Variants in TBC1D22B observed in about 807,000 individuals in gnomAD.
TBC1D22B encodes TBC1 domain family member 22B, also known as chromosome 6 open reading frame 197.
Under a neutral mutation model 69.1 loss-of-function variants are expected in TBC1D22B, and 32 were observed. The observed-to-expected ratio is 0.46, with a 90% CI of 0.35 to 0.62. The LOEUF is 0.62. TBC1D22B is among the 20% of genes least tolerant of loss of function. TBC1D22B has a pLI of 0.00. For missense variants in TBC1D22B, 462 were observed against 630.9 expected (o/e 0.73, Z 2.87); for synonymous variants, 206 against 229.8 (o/e 0.90, Z 0.94).
intron 3 of TBC1D22B, among the ~76,000 whole-genome samples, chr6:37,280,465 A>G (rs1766789614): frequency 6.6e-6 from 1 of 152,200 alleles, no homozygotes; most frequent in Non-Finnish European, 1.5e-5. Flanking sequence ...CAATCATTGC[A>G]CAGTTATTTT....
chr6:37,312,147 A>T (rs1302638635), intron 8 of TBC1D22B, among the ~76,000 whole-genome samples: 1 of 152,250 alleles, frequency 6.6e-6, no homozygotes, highest in Non-Finnish European at 1.5e-5. Flanking sequence ...GGATAAACAA[A>T]GTTAAGCAGA....
chr6:37,329,746 C>T (rs562850550), intron 12 of TBC1D22B, among the ~76,000 whole-genome samples: 1 of 152,346 alleles, frequency 6.6e-6, no homozygotes, highest in South Asian at 2.1e-4. Context: ...ATCTTCAACA[C>T]ATGCTTTAAC....
intron 12 of TBC1D22B, among the ~76,000 whole-genome samples, chr6:37,327,494 A>AT (rs1399001586): frequency 6.7e-6 from 1 of 150,210 alleles, no homozygotes; most frequent in African/African-American, 2.5e-5. Context: ...AAAAAAAAAA[A>AT]AAAAAAAAAA....
At chr6:37,286,961 A>G in intron 6 of TBC1D22B, 46 bp from the exon 7 acceptor site, 1 of 1,571,806 alleles carries the variant, frequency 6.4e-7, no homozygotes, top group Non-Finnish European at 8.6e-7. Context: ...ACAAAAACAA[A>G]AAAAAACTGG....
At chr6:37,299,094 T>C (rs936200848) in intron 8 of TBC1D22B, among the ~76,000 whole-genome samples, 11 of 152,230 alleles carry the variant, frequency 7.2e-5, no homozygotes, top group Non-Finnish European at 1.6e-4. Context: ...TGTGTATGGA[T>C]GAAGTCTAGT....
intron 1 of TBC1D22B, among the ~76,000 whole-genome samples, chr6:37,268,479 G>A (rs754642252): frequency 5.9e-5 from 9 of 152,082 alleles, no homozygotes; most frequent in Non-Finnish European, 1.3e-4. Context: ...TCATTTTGCC[G>A]TGGCCTCCCA....
rs564204377 is a variant in TBC1D22B, at chr6:37,321,485, T to C, written c.1389+4279T>C. Reference sequence around the variant, plus strand: ...ATTTAGCAACAACAACAAAAACTTGTTGTTTTAAAACTGAAAAAGAATTCC... The same window carrying C: ...ATTTAGCAACAACAACAAAAACTTGCTGTTTTAAAACTGAAAAAGAATTCC... On this transcript the variant is annotated intron_variant, in intron 12 of 12. Coordinates refer to ENST00000373491, the MANE Select transcript of TBC1D22B (RefSeq NM_017772.4). Among the ~76,000 whole-genome samples the C allele has an allele frequency of 5.5e-4, 83 of 152,186 alleles. 2 individuals are homozygous for C. Among genetic ancestry groups the C allele is most frequent in the Admixed American group, 3.9e-4 (6 of 15,278 alleles).
At position 37,279,380 on chromosome 6, in the gene TBC1D22B, C is replaced by A; in HGVS notation, c.190C>A (p.Arg64=). ...GGCCTCCAGTTTTCATGAGTTTGCA[C>A]GGAATACCAGTGATGCTTGGGACAT... ...KKASSFHEFA[R]NTSDAWDIGD... is the part of the protein sequence containing the mutation. Residue 64 remains arginine, a synonymous_variant, in exon 3 of 13, where the codon CGG becomes AGG. Transcript: ENST00000373491. 1 of 1,614,150 alleles carries A rather than the reference C, an allele frequency of 6.2e-7. No individual in the cohort carries two copies. Among genetic ancestry groups the A allele is most frequent in the Non-Finnish European group, 8.5e-7 (1 of 1,180,002 alleles).
At chr6:37,326,582 A>C (rs1272824871) in intron 12 of TBC1D22B, among the ~76,000 whole-genome samples, 4 of 152,062 alleles carry the variant, frequency 2.6e-5, no homozygotes, top group Non-Finnish European at 5.9e-5. Context: ...AGGTCAGGAG[A>C]TTGAGATCAT....
intron 12 of TBC1D22B, among the ~76,000 whole-genome samples, chr6:37,328,295 ACT>A (rs1768490252): frequency 6.6e-6 from 1 of 152,102 alleles, no homozygotes; most frequent in Non-Finnish European, 1.5e-5. Context: ...ATAGAGCAAG[ACT>A]CTGTCTCTAA....
At chr6:37,275,953 CTTTTCTTT>C (rs1015125782) in intron 2 of TBC1D22B, among the ~76,000 whole-genome samples, 1 of 145,410 alleles carries the variant, frequency 6.9e-6, no homozygotes, top group African/African-American at 2.7e-5. Flanking sequence ...CTGTTTCATT[CTTTTCTTT>C]TTTTCTTTTT....
At chr6:37,285,278 C>T (rs1004110975) in intron 6 of TBC1D22B, among the ~76,000 whole-genome samples, 1 of 140,980 alleles carries the variant, frequency 7.1e-6, no homozygotes, top group East Asian at 2.2e-4. Flanking sequence ...CTTTCAGCTT[C>T]AGTTACTGAA....
intron 7 of TBC1D22B, among the ~76,000 whole-genome samples, chr6:37,288,624 C>T (rs1000410923): frequency 6.6e-6 from 1 of 151,824 alleles, no homozygotes; most frequent in Non-Finnish European, 1.5e-5. Context: ...GCTACTGTGC[C>T]TGTGCTACTT....
intron 1 of TBC1D22B, among the ~76,000 whole-genome samples, chr6:37,266,930 C>CTTTTTTTTT (rs35702920): frequency 3.6e-5 from 2 of 54,856 alleles, no homozygotes; most frequent in African/African-American, 7.5e-5. Context: ...TTTTCTTCGT[C>CTTTTTTTTT]TTTTTTTTTT....
rs557335322 is a variant in TBC1D22B, at chr6:37,332,274, C to G, written c.*1102C>G. On this transcript the variant is annotated 3_prime_UTR_variant, in exon 13 of 13. Transcript: ENST00000373491. ...TCGCCCCTTTCTTCACCCCGCCCCC[C>G]AACCCCCAGACTTTCCTGGAGCATC... 2.0e-5 allele frequency: 3 copies of G among 152,750 alleles called. No homozygotes were observed. In the South Asian group the frequency reaches 6.2e-4, roughly 32 times the overall value. The allele number at this position is 152,750 out of a possible 1,614,324, so 9.5% of individuals were successfully genotyped here. A position where few individuals can be genotyped will look rare whatever the true frequency, so the allele number is the denominator to read the frequency against.
At chr6:37,305,117 G>C (rs1284294793) in intron 8 of TBC1D22B, among the ~76,000 whole-genome samples, 1 of 152,178 alleles carries the variant, frequency 6.6e-6, no homozygotes, top group East Asian at 1.9e-4. Flanking sequence ...CTGGGCTGTT[G>C]TGGATTGTGC....
At chr6:37,309,332 C>T (rs1767833574) in intron 8 of TBC1D22B, among the ~76,000 whole-genome samples, 1 of 152,244 alleles carries the variant, frequency 6.6e-6, no homozygotes, top group South Asian at 2.1e-4. Context: ...AGCGATGCTC[C>T]TGTTGCCCTC....
intron 1 of TBC1D22B, among the ~76,000 whole-genome samples, chr6:37,266,733 G>A (rs113485462): frequency 2.0e-5 from 3 of 150,808 alleles, no homozygotes; most frequent in Admixed American, 2.0e-4. Context: ...CAAGTGCTGG[G>A]ATTACAGGCG....
intron 5 of TBC1D22B, 65 bp downstream of exon 5, chr6:37,283,017 A>G: frequency 1.4e-6 from 2 of 1,432,034 alleles, no homozygotes; most frequent in South Asian, 1.2e-5. Flanking sequence ...TGATGAGGTT[A>G]GTCTGGACAC....
Sources: gnomAD v4.1 joint callset for allele counts (sites outside exome capture counted in the v4.1 genomes callset) on GRCh38, gnomAD v4.1.1 for gene constraint, MANE v1.5 for transcripts, NCBI Gene and HGNC (gene_info 2026-07-23, HGNC 2026-07-21) for gene names.